The following RABGAP1L variants were observed in gnomAD, a reference collection of about 807,000 sequenced individuals.
RABGAP1L encodes the protein RAB GTPase activating protein 1 like, also known as rab GTPase-activating protein 1-like.
RABGAP1L carries 63 observed loss-of-function variants against 137.7 expected under a neutral mutation model. The observed-to-expected ratio is 0.46, with a 90% CI of 0.37 to 0.56. RABGAP1L has a LOEUF of 0.56. RABGAP1L is among the 20% of genes least tolerant of loss of function. The pLI is 0.00. For synonymous variants in RABGAP1L, 431 were observed against 433.7 expected (o/e 0.99, Z 0.08); for missense variants, 1,095 against 1,244.0 (o/e 0.88, Z 1.80).
intron 19 of RABGAP1L, among the ~76,000 whole-genome samples, chr1:174,950,203 T>C (rs1667502782): frequency 6.6e-6 from 1 of 152,194 alleles, no homozygotes; most frequent in South Asian, 2.1e-4. Context: ...CCTTGGAAAT[T>C]ATGTTAGAGT....
chr1:174,970,833 A>G (rs539645893), intron 21 of RABGAP1L, among the ~76,000 whole-genome samples: 54 of 152,154 alleles, frequency 3.5e-4, no homozygotes, highest in Non-Finnish European at 7.1e-4. Flanking sequence ...ATCTATGTTC[A>G]CTAGTAGGGG....
intron 22 of RABGAP1L, among the ~76,000 whole-genome samples, chr1:174,976,770 G>A (rs1441058857): frequency 6.6e-6 from 1 of 152,216 alleles, no homozygotes; most frequent in African/African-American, 2.4e-5. Context: ...GGAGCTGTAA[G>A]GCTAATTAGC....
At chr1:174,864,476 A>G (rs752205653) in intron 19 of RABGAP1L, among the ~76,000 whole-genome samples, 1 of 152,242 alleles carries the variant, frequency 6.6e-6, no homozygotes, top group Non-Finnish European at 1.5e-5. Flanking sequence ...CAGTTACTGC[A>G]GAAGGGGAAG....
At chr1:174,338,288 G>A (rs1021255493) in intron 11 of RABGAP1L, among the ~76,000 whole-genome samples, 4 of 152,132 alleles carry the variant, frequency 2.6e-5, no homozygotes, top group African/African-American at 7.2e-5. Flanking sequence ...TCAATCATAT[G>A]TAATCATTAT....
chr1:174,174,372 T>G (rs77311253), intron 1 of RABGAP1L, among the ~76,000 whole-genome samples: 11,070 of 152,248 alleles, frequency 0.073, 603 homozygotes, highest in East Asian at 0.32. Context: ...AGACATGAAA[T>G]ATATGTCCTG....
intron 24 of RABGAP1L, among the ~76,000 whole-genome samples, chr1:174,985,221 T>A (rs1671481773): frequency 1.3e-5 from 2 of 152,148 alleles, no homozygotes; most frequent in South Asian, 4.1e-4. Context: ...GGTGAAACCC[T>A]GTCTCTACAA....
intron 18 of RABGAP1L, among the ~76,000 whole-genome samples, chr1:174,780,877 A>T (rs1686949414): frequency 1.3e-5 from 2 of 150,640 alleles, no homozygotes; most frequent in Admixed American, 1.3e-4. Context: ...AATTTCATCC[A>T]TGTCCCTACA....
chr1:174,614,782 T>G (rs1280111607), intron 13 of RABGAP1L, among the ~76,000 whole-genome samples: 18 of 152,200 alleles, frequency 1.2e-4, no homozygotes, highest in Admixed American at 1.2e-3. Flanking sequence ...CATTTCTTTT[T>G]ATTCTTTTTT....
At chr1:174,866,117 GAGA>G (rs1651180206) in intron 19 of RABGAP1L, among the ~76,000 whole-genome samples, 1 of 31,444 alleles carries the variant, frequency 3.2e-5, no homozygotes, top group African/African-American at 1.8e-4. Context: ...GGGGGAGAGA[GAGA>G]GAGAGAGAGA....
At chr1:174,671,362 C>T (rs911390532) in intron 14 of RABGAP1L, among the ~76,000 whole-genome samples, 3 of 152,116 alleles carry the variant, frequency 2.0e-5, no homozygotes, top group Admixed American at 2.0e-4. Flanking sequence ...ACTTCCAGTA[C>T]TGTGTTGAAT....
intron 19 of RABGAP1L, among the ~76,000 whole-genome samples, chr1:174,847,094 A>G (rs1694135255): frequency 7.1e-6 from 1 of 140,934 alleles, no homozygotes; most frequent in Admixed American, 7.3e-5. Context: ...ATCTTCCTCC[A>G]TCCTTTTATT....
At chr1:174,222,302 T>A (rs754087150) in intron 3 of RABGAP1L, among the ~76,000 whole-genome samples, 14 of 152,214 alleles carry the variant, frequency 9.2e-5, no homozygotes, top group Non-Finnish European at 8.8e-5. Context: ...CCTAATTGGC[T>A]TAGGAAACTC....
At chr1:174,720,559 G>A (rs1046190926) in intron 17 of RABGAP1L, among the ~76,000 whole-genome samples, 30 of 152,006 alleles carry the variant, frequency 2.0e-4, no homozygotes, top group Admixed American at 1.0e-3. Flanking sequence ...CAAGTAATCC[G>A]CCCACCTCAG....
chr1:174,834,806 G>T (rs1275211093), intron 19 of RABGAP1L, among the ~76,000 whole-genome samples: 1 of 152,132 alleles, frequency 6.6e-6, no homozygotes, highest in African/African-American at 2.4e-5. Flanking sequence ...AGTAAGAAAG[G>T]TATTTAGCCT....
At chr1:174,816,535 T>C (rs1264694712) in intron 19 of RABGAP1L, among the ~76,000 whole-genome samples, 1 of 152,184 alleles carries the variant, frequency 6.6e-6, no homozygotes, top group Non-Finnish European at 1.5e-5. Context: ...TTTTATTCAA[T>C]ACCATTTATA....
chr1:174,810,222 C>T (rs1206312652), intron 18 of RABGAP1L, among the ~76,000 whole-genome samples: 1 of 152,094 alleles, frequency 6.6e-6, no homozygotes, highest in Non-Finnish European at 1.5e-5. Context: ...ATATTCTGGG[C>T]ATTGTTCTTG....
chr1:174,936,926 G>A (rs1484513453), intron 19 of RABGAP1L, among the ~76,000 whole-genome samples: 1 of 150,536 alleles, frequency 6.6e-6, no homozygotes, highest in Non-Finnish European at 1.5e-5. Context: ...TATACATCAA[G>A]GTCTGTAGTG....
chr1:174,604,076 C>A (rs1011097064), intron 13 of RABGAP1L, among the ~76,000 whole-genome samples: 1 of 151,876 alleles, frequency 6.6e-6, no homozygotes, highest in Admixed American at 6.6e-5. Context: ...CTTGTGTGTA[C>A]CCCATGTCCT....
intron 13 of RABGAP1L, among the ~76,000 whole-genome samples, chr1:174,507,091 A>C (rs535176262): frequency 1.3e-5 from 2 of 152,336 alleles, no homozygotes; most frequent in South Asian, 4.1e-4. Flanking sequence ...TGTCAATTTA[A>C]AAAGAATTTA....
Sources: gnomAD v4.1 joint callset for allele counts (sites outside exome capture counted in the v4.1 genomes callset) on GRCh38, gnomAD v4.1.1 for gene constraint, MANE v1.5 for transcripts, NCBI Gene and HGNC (gene_info 2026-07-23, HGNC 2026-07-21) for gene names.